Variants in GGT1 observed in about 807,000 individuals in gnomAD.
GGT1 encodes glutathione hydrolase 1 proenzyme.
A neutral mutation model predicts 56.0 loss-of-function variants in GGT1; 21 were observed. That is an observed-to-expected ratio of 0.38 (90% CI 0.27 to 0.54). The LOEUF (loss-of-function observed/expected upper bound fraction) is 0.54, where lower values mean the gene tolerates loss of function less well. Ranked by LOEUF, GGT1 falls within the 20% of genes least tolerant of loss-of-function variation. The pLI is 0.82. For synonymous variants in GGT1, 238 were observed against 342.6 expected, an observed-to-expected ratio of 0.69 and a Z score of 3.37; for missense variants, 466 against 787.0, an observed-to-expected ratio of 0.59 and a Z score of 4.88.
chr22:24,612,836 CTTTT>C (rs1365041443), intron 5 of GGT1, among the ~76,000 whole-genome samples: 1 of 151,680 alleles, frequency 6.6e-6, no homozygotes, highest in Non-Finnish European at 1.5e-5. Context: ...CGGGCTTATT[CTTTT>C]TTTAAGGTGG....
chr22:24,588,780 T>G, the GGT1 span: 2 of 1,022,948 alleles, frequency 2.0e-6, no homozygotes, highest in Non-Finnish European at 2.3e-6. Context: ...TTCTTCTTCC[T>G]CTCACTCTCC....
upstream of GGT1, among the ~76,000 whole-genome samples, chr22:24,602,510 G>A (rs2045800160): frequency 2.0e-5 from 3 of 152,222 alleles, no homozygotes; most frequent in African/African-American, 4.8e-5. Context: ...GCCTGCCAGC[G>A]CTGTGGGGGC....
rs1457062658 is a variant in GGT1 at position 24,620,513 on chromosome 22, G to A, written c.568G>A (p.Val190Ile). The change falls in exon 8 of 16, where the codon GTC becomes ATC. Residue 190 changes from valine to isoleucine, a missense_variant. Around this residue, in one of 2 missense-constraint regions of GGT1, gnomAD observed 456 missense variants for 716.7 expected, o/e 0.64. Transcript: ENST00000400382. This position sits in a 1 kb window ranked among gnomAD's most constrained non-coding sequence, Gnocchi z 5.6. ...NKRTVIEQQPVLCEVFCRDRK... is the reference protein window; with the variant it reads ...NKRTVIEQQPILCEVFCRDRK... ...GCGGACCGTCATCGAGCAGCAGCCTGTCTTGTGGTATGTCTGTGGGTGCGG... is the reference window on the plus strand; with the variant it reads ...GCGGACCGTCATCGAGCAGCAGCCTATCTTGTGGTATGTCTGTGGGTGCGG... 3 of 1,611,940 alleles carry A rather than the reference G, an allele frequency of 1.9e-6. No individual in the cohort carries two copies. The highest frequency in any genetic ancestry group is 2.3e-4 in the Middle Eastern group (1 of 4,430).
At chr22:24,589,174 T>C in the GGT1 span, 10 of 1,171,746 alleles carry the variant, frequency 8.5e-6, no homozygotes, top group South Asian at 1.6e-4. Context: ...GGAGTCTGGG[T>C]CCGGTGGCTG....
chr22:24,624,707 T>C, intron 11 of GGT1: 1 of 982,888 alleles, frequency 1.0e-6, no homozygotes, highest in Non-Finnish European at 1.2e-6. Context: ...AATGCTCCTT[T>C]CTGCCTCTGA....
At chr22:24,586,801 G>A in the GGT1 span, among the ~76,000 whole-genome samples, 1 of 152,246 alleles carries the variant, frequency 6.6e-6, no homozygotes, top group African/African-American at 2.4e-5. Flanking sequence ...AAAGTGCTGG[G>A]ATTACAGGCG....
At position 24,628,103 on chromosome 22, in the gene GGT1, G is replaced by A. The variant is rs754875589; in HGVS notation, c.1359G>A (p.Met453Ile). The A allele has an allele frequency of 1.4e-5, 22 of 1,611,956 alleles. No homozygotes were observed. Among genetic ancestry groups the A allele is most frequent in the Middle Eastern group, 2.3e-4 (1 of 4,430 alleles). Residue 453 changes from methionine to isoleucine, a missense_variant, in exon 14 of 16, where the codon ATG (methionine) becomes ATA (isoleucine). Met to Ile is a conservative substitution (Grantham distance 10). Transcript: ENST00000400382. The surrounding 1 kb of genome is among the most constrained non-coding windows in gnomAD (Gnocchi z 5.7). ...IQPGKQPLSS[M>I]CPTIMVGQDG... Reference sequence around the variant, plus strand: ...CAGGGAAGCAGCCGCTCTCGTCCATGTGCCCGACGATCATGGTGGGCCAGG... The same window carrying A: ...CAGGGAAGCAGCCGCTCTCGTCCATATGCCCGACGATCATGGTGGGCCAGG...
At chr22:24,592,759 C>T (rs2045609740), upstream of GGT1, 2 of 1,275,618 alleles carry the variant, frequency 1.6e-6, no homozygotes, top group South Asian at 1.7e-5. Flanking sequence ...CCTCGCCTCC[C>T]GGCGGATACA....
Position 24,623,186 on chromosome 22 carries a change from C to T in GGT1, c.813C>T (p.Asp271=), listed in dbSNP as rs370003266. 7 of 1,594,110 alleles carry T rather than the reference C, an allele frequency of 4.4e-6. No individual in the cohort carries two copies. In the African/African-American group the frequency reaches 6.8e-5, roughly 15 times the overall value. Residue 271 remains aspartate, a synonymous_variant, in exon 10 of 16, where the codon GAC becomes GAT. Coordinates refer to ENST00000400382, the MANE Select transcript of GGT1 (RefSeq NM_001288833.2). The part of the protein sequence containing the change: ...IEHPLNISLG[D]VVLYMPSAPL... ...ACCCGCTGAACATCAGCCTGGGAGACGTGGTGCTGTACATGCCCAGTGCGC... is the reference window on the plus strand; with the variant it reads ...ACCCGCTGAACATCAGCCTGGGAGATGTGGTGCTGTACATGCCCAGTGCGC...
At chr22:24,609,466 C>T (rs1418935313) in intron 2 of GGT1, 1 of 157,708 alleles carries the variant, frequency 6.3e-6, no homozygotes, top group East Asian at 1.9e-4. Flanking sequence ...GCCCCAGGCC[C>T]ACCAAGCCTG....
the GGT1 span, chr22:24,586,168 C>T: frequency 6.2e-7 from 1 of 1,613,590 alleles, no homozygotes; most frequent in Admixed American, 1.7e-5. Context: ...GGGCAGTGGC[C>T]CGCGTCAGTC....
intron 5 of GGT1, among the ~76,000 whole-genome samples, chr22:24,611,813 G>GTGTA (rs2046722162): frequency 6.9e-6 from 1 of 145,210 alleles, no homozygotes; most frequent in South Asian, 2.1e-4. Flanking sequence ...GTGTGTGTGT[G>GTGTA]TGTGTGTTTC....
chr22:24,592,853 CT>C, upstream of GGT1: 1 of 1,278,032 alleles, frequency 7.8e-7, no homozygotes, highest in Non-Finnish European at 9.9e-7. Flanking sequence ...CGGACGGCTC[CT>C]TCTCTCGCCT....
At chr22:24,589,653 G>A in the GGT1 span, 1 of 791,644 alleles carries the variant, frequency 1.3e-6, no homozygotes, top group South Asian at 2.0e-5. Context: ...CTGGTGGCCA[G>A]CCTAATATAC....
rs1388140422 is a variant in GGT1 at position 24,620,443 on chromosome 22, G to A, written c.498G>A (p.Gln166=). The change falls in exon 8 of 16, where the codon CAG becomes CAA. Residue 166 remains glutamine, a synonymous_variant. Transcript: ENST00000400382. The surrounding 1 kb of genome is among the most constrained non-coding windows in gnomAD (Gnocchi z 5.6). ...LFQPSIQLAR[Q]GFPVGKGLAA... The stretch of plus-strand genomic sequence containing the variant: ...AGCCCAGCATCCAGCTGGCCCGCCA[G>A]GGCTTCCCCGTGGGCAAGGGCTTGG... 3 of 1,611,796 alleles carry A rather than the reference G, an allele frequency of 1.9e-6. No homozygotes were observed. Among genetic ancestry groups the A allele is most frequent in the Non-Finnish European group, 2.5e-6 (3 of 1,179,784 alleles).
upstream of GGT1, chr22:24,592,260 G>C (rs926135970): frequency 1.1e-5 from 5 of 464,434 alleles, no homozygotes; most frequent in African/African-American, 8.0e-5. Flanking sequence ...CGAGTGTTGT[G>C]ATGCACAGAT....
Position 24,623,183 on chromosome 22 carries a change from A to G in GGT1, c.810A>G (p.Gly270=). The change falls in exon 10 of 16, where the codon GGA becomes GGG. Residue 270 remains glycine (G), a synonymous_variant. Coordinates refer to ENST00000400382, the MANE Select transcript of GGT1 (RefSeq NM_001288833.2). ...AGCACCCGCTGAACATCAGCCTGGG[A>G]GACGTGGTGCTGTACATGCCCAGTG... The part of the protein sequence containing the change: ...LIEHPLNISL[G]DVVLYMPSAP... 6.3e-7 allele frequency: 1 copy of G among 1,594,736 alleles called. No homozygotes were observed. Among genetic ancestry groups the G allele is most frequent in the South Asian group, 1.1e-5 (1 of 90,062 alleles).
chr22:24,588,501 TG>T, the GGT1 span: 3 of 757,178 alleles, frequency 4.0e-6, no homozygotes, highest in Non-Finnish European at 6.4e-6. Flanking sequence ...GGCTGTGGCC[TG>T]GCACAGAGCC....
intron 5 of GGT1, among the ~76,000 whole-genome samples, 162 bp from the exon 6 acceptor site, chr22:24,614,614 C>CAAA (rs4049879): frequency 7.3e-5 from 5 of 68,598 alleles, no homozygotes; most frequent in African/African-American, 1.2e-4. Flanking sequence ...GACTCCATCT[C>CAAA]AAAAAAAAAA....
Sources: allele counts gnomAD v4.1 joint callset (sites outside exome capture counted in the v4.1 genomes callset), GRCh38; gene constraint gnomAD v4.1.1; regional missense constraint gnomAD v4.1.1; non-coding constraint Gnocchi (gnomAD v3.1); transcripts MANE v1.5; gene names NCBI Gene and HGNC (gene_info 2026-07-23, HGNC 2026-07-21).